CCPG1: variants seen among roughly 807,000 people sequenced by gnomAD.
CCPG1 encodes the protein cell cycle progression protein 1.
A neutral mutation model predicts 81.3 loss-of-function variants in CCPG1; 46 were observed. The observed-to-expected ratio is 0.57, with a 90% CI of 0.45 to 0.72. CCPG1 has a LOEUF of 0.72. Ranked by LOEUF, CCPG1 falls within the 30% of genes least tolerant of loss-of-function variation. CCPG1 has a pLI of 0.00. For synonymous variants in CCPG1, 330 were observed against 305.2 expected (o/e 1.08, Z -0.85); for missense variants, 902 against 937.6 (o/e 0.96, Z 0.50).
intron 8 of CCPG1, chr15:55,357,352 A>G (rs765030613): frequency 1.9e-5 from 19 of 985,320 alleles, no homozygotes; most frequent in Non-Finnish European, 2.0e-5. Flanking sequence ...TCCTACTAGT[A>G]TAGTCCCAGT....
chr15:55,401,749 T>A (rs1277551300), intron 1 of CCPG1, among the ~76,000 whole-genome samples: 1 of 151,770 alleles, frequency 6.6e-6, no homozygotes, highest in Admixed American at 6.6e-5. Context: ...TTATACCCAG[T>A]GCTAAAATAT....
intron 3 of CCPG1, among the ~76,000 whole-genome samples, chr15:55,384,648 T>G (rs2141300686): frequency 6.6e-6 from 1 of 152,100 alleles, no homozygotes; most frequent in Middle Eastern, 3.4e-3. Context: ...AGAGCGAAAC[T>G]CCGCCAATTC....
chr15:55,390,321 G>C (rs2056888992), intron 1 of CCPG1, among the ~76,000 whole-genome samples: 1 of 152,186 alleles, frequency 6.6e-6, no homozygotes. Flanking sequence ...CAAACATCTG[G>C]TCACTGGCAA....
intron 1 of CCPG1, among the ~76,000 whole-genome samples, chr15:55,397,227 C>CA (rs199970646): frequency 0.26 from 37,705 of 145,890 alleles, 5,626 homozygotes; most frequent in Non-Finnish European, 0.36. Flanking sequence ...AAAAAACAAA[C>CA]AAAAAAAAAA....
chr15:55,368,986 C>T (rs557812310), intron 6 of CCPG1, among the ~76,000 whole-genome samples: 1 of 152,142 alleles, frequency 6.6e-6, no homozygotes, highest in South Asian at 2.1e-4. Flanking sequence ...CTGGCGGATG[C>T]CTGTAATCCT....
chr15:55,397,329 T>C (rs888672031), intron 1 of CCPG1, among the ~76,000 whole-genome samples: 2 of 152,140 alleles, frequency 1.3e-5, no homozygotes, highest in Admixed American at 1.3e-4. Context: ...GTTTTAGCTT[T>C]ACACTCTGAG....
At chr15:55,380,954 A>G (rs777623169) in intron 3 of CCPG1, among the ~76,000 whole-genome samples, 24 of 151,848 alleles carry the variant, frequency 1.6e-4, no homozygotes, top group African/African-American at 4.3e-4. Context: ...TGGCTAACAC[A>G]GTGAAACCCC....
Position 55,408,247 on chromosome 15 carries a change from G to A in CCPG1, c.-36C>T, listed in dbSNP as rs1490959429. On this transcript the variant is annotated 5_prime_UTR_variant, in exon 1 of 9. Transcript: ENST00000442196. ...TGAAGGGGCAGCGCCACCTCCGCCC[G>A]ATTGTGCTGGCTGCCCCAGTGGCGG... The A allele has an allele frequency of 2.0e-5, 3 of 153,242 alleles. No homozygotes were observed. The highest frequency in any genetic ancestry group is 7.2e-5 in the African/African-American group (3 of 41,486). 9.5% of individuals were successfully genotyped at this position (153,242 alleles called of 1,614,324 possible).
Position 55,372,024 on chromosome 15 carries a change from C to G in CCPG1, c.475G>C (p.Asp159His). The G allele has an allele frequency of 6.2e-7, 1 of 1,613,722 alleles. No homozygotes were observed. The highest frequency in any genetic ancestry group is 1.7e-5 in the Admixed American group (1 of 59,998). Residue 159 changes from aspartate (D) to histidine (H), a missense_variant, in exon 6 of 9, where the codon GAC becomes CAC. Asp to His is a moderately conservative substitution (Grantham distance 81). Around this residue, in one of 3 missense-constraint regions of CCPG1, gnomAD observed 746 missense variants for 728.6 expected, o/e 1.02. Coordinates refer to ENST00000442196, the MANE Select transcript of CCPG1 (RefSeq NM_001204450.2). ...PETVFSSQPS[D>H]DESSSDETSN... ...GTTTCATCACTACTTGATTCATCGT[C>G]ACTAGGCTGAGATGAAAATACTATT...
Position 55,357,097 on chromosome 15 carries a change from G to A in CCPG1, c.2235-688C>T, listed in dbSNP as rs185725252. ...AGGAGTCTGATAAATATACAGTCTC[G>A]GCAAAAGAGATGACCATAGAACTAA... On this transcript the variant is annotated intron_variant, in intron 8 of 8. Transcript: ENST00000442196. The A allele has an allele frequency of 6.2e-5, 61 of 985,112 alleles. No homozygotes were observed. The Admixed American group carries it at 1.0e-3, about 17-fold the overall frequency. The allele number at this position is 985,112 out of a possible 1,614,324, so 61.0% of individuals were successfully genotyped here.
At chr15:55,389,636 A>ACCCT (rs948522889) in intron 1 of CCPG1, among the ~76,000 whole-genome samples, 11 of 152,142 alleles carry the variant, frequency 7.2e-5, no homozygotes, top group African/African-American at 2.7e-4. Flanking sequence ...AGATAAGGAG[A>ACCCT]CCCTCCTGGA....
Position 55,371,796 on chromosome 15 carries a change from A to G in CCPG1, c.703T>C (p.Tyr235His), listed in dbSNP as rs1286847547. 6 of 1,613,352 alleles carry G rather than the reference A, an allele frequency of 3.7e-6. No individual in the cohort carries two copies. Among genetic ancestry groups the G allele is most frequent in the Non-Finnish European group, 5.1e-6 (6 of 1,179,312 alleles). The change falls in exon 6 of 9, where the codon TAT (tyrosine) becomes CAT (histidine). Residue 235 changes from tyrosine (Y) to histidine (H), a missense_variant. This residue lies in a region of CCPG1 where 746 missense variants were observed against 728.6 expected (regional missense o/e 1.02). Coordinates refer to ENST00000442196, the MANE Select transcript of CCPG1 (RefSeq NM_001204450.2). Reference protein sequence around the residue: ...IAISMGFGHFYGTIQIQKRQQ... With the variant: ...IAISMGFGHFHGTIQIQKRQQ... The stretch of plus-strand genomic sequence containing the variant: ...TAACACATTTTTGAGTACTTACCAT[A>G]GAAATGGCCAAATCCCATGCTGATT...
chr15:55,381,243 G>A (rs1332669269), intron 3 of CCPG1, among the ~76,000 whole-genome samples: 2 of 151,554 alleles, frequency 1.3e-5, no homozygotes, highest in African/African-American at 2.4e-5. Flanking sequence ...AGACCAGAGT[G>A]GCCAACATGG....
At chr15:55,388,258 GGAGT>G (rs2056843505) in intron 2 of CCPG1, among the ~76,000 whole-genome samples, 1 of 152,110 alleles carries the variant, frequency 6.6e-6, no homozygotes, top group Non-Finnish European at 1.5e-5. Context: ...AGTAAAACCT[GGAGT>G]AAGTATATTT....
At chr15:55,372,865 G>C in intron 5 of CCPG1, 2 of 496,326 alleles carry the variant, frequency 4.0e-6, no homozygotes, top group Non-Finnish European at 8.3e-6. Flanking sequence ...CTGGTCTCTA[G>C]TTTCATTTCC....
chr15:55,361,516 G>A (rs959991175), intron 7 of CCPG1, among the ~76,000 whole-genome samples: 2 of 151,466 alleles, frequency 1.3e-5, no homozygotes, highest in African/African-American at 4.8e-5. Flanking sequence ...GACCATCCTG[G>A]CCTACGTGGT....
intron 1 of CCPG1, among the ~76,000 whole-genome samples, chr15:55,404,729 C>G (rs774686355): frequency 6.6e-5 from 10 of 152,108 alleles, no homozygotes; most frequent in Non-Finnish European, 1.5e-4. Context: ...CCCAGGAGTT[C>G]AAAGAGACCA....
At chr15:55,369,210 A>G (rs1026785710) in intron 6 of CCPG1, among the ~76,000 whole-genome samples, 9 of 151,952 alleles carry the variant, frequency 5.9e-5, no homozygotes, top group African/African-American at 2.2e-4. Context: ...AATCAACTCC[A>G]AAGAATGTTG....
rs371775367 is a variant in CCPG1, at chr15:55,355,376, A to G, written c.*844T>C. ...GCCAGAGGGTCGAATTGGAAGTCAC[A>G]TATATGTCTATGAACGGAAGTTAAA... On this transcript the variant is annotated 3_prime_UTR_variant, in exon 9 of 9. Transcript: ENST00000442196. The G allele has an allele frequency of 5.6e-6, 9 of 1,611,628 alleles. No homozygotes were observed. The African/African-American group carries it at 8.0e-5, about 14-fold the overall frequency.
Sources: gnomAD v4.1 joint callset for allele counts (sites outside exome capture counted in the v4.1 genomes callset) on GRCh38, gnomAD v4.1.1 for gene constraint, gnomAD v4.1.1 regional missense constraint, MANE v1.5 for transcripts, NCBI Gene and HGNC (gene_info 2026-07-23, HGNC 2026-07-21) for gene names.